The following CREBBP variants were observed in gnomAD, a reference collection of about 807,000 sequenced individuals.
The protein encoded by CREBBP is CREB-binding protein.
A neutral mutation model predicts 265.0 loss-of-function variants in CREBBP; 19 were observed. The ratio of observed to expected loss-of-function variants is 0.07; its 90% confidence interval spans 0.05 to 0.11. The LOEUF (loss-of-function observed/expected upper bound fraction) is 0.11, where lower values mean the gene tolerates loss of function less well. Among genes scored for constraint, CREBBP ranks in the 10% least tolerant of loss-of-function variants. CREBBP has a pLI of 1.00. For missense variants in CREBBP, 2,525 were observed against 3,219.0 expected (o/e 0.78, Z 5.22); for synonymous variants, 1,457 against 1,223.7 (o/e 1.19, Z -3.98).
At chr16:3,762,361 CT>C (rs35125490) in intron 16 of CREBBP, among the ~76,000 whole-genome samples, 12,097 of 118,442 alleles carry the variant, frequency 0.1, 342 homozygotes, top group East Asian at 0.16. Flanking sequence ...ATTTTCTTTC[CT>C]TTTTTTTTTT....
Position 3,836,400 on chromosome 16 carries a change from C to G in CREBBP, c.798+13897G>C, listed in dbSNP as rs1027987629. On this transcript the variant is annotated intron_variant, in intron 2 of 30. Coordinates refer to ENST00000262367, the MANE Select transcript of CREBBP (RefSeq NM_004380.3). Reference sequence around the variant, plus strand: ...AGTGAGCCGAGATTGCGCCAGTACACTCCAGCCTGGGTGACAGAGCGAGAC... The same window carrying G: ...AGTGAGCCGAGATTGCGCCAGTACAGTCCAGCCTGGGTGACAGAGCGAGAC... 2.0e-5 allele frequency among the ~76,000 whole-genome samples: 3 copies of G among 148,288 alleles called. No homozygotes were observed. The South Asian group carries it at 6.4e-4, about 31-fold the overall frequency.
intron 1 of CREBBP, among the ~76,000 whole-genome samples, chr16:3,863,982 A>G (rs895575155): frequency 6.6e-6 from 1 of 152,214 alleles, no homozygotes; most frequent in Admixed American, 6.5e-5. Flanking sequence ...GAGGTGCTAC[A>G]GTCAGCTGCC....
chr16:3,768,136 G>GTTTTTTTTTTTTTT lies in CREBBP; in HGVS notation c.3061-241_3061-228dup, dbSNP rs71133655. On this transcript the variant is annotated intron_variant, in intron 15 of 30. Transcript: ENST00000262367. ...CAATTATGGTCCTAAATTTAAAAGT[G>GTTTTTTTTTTTTTT]TTTTTTTTTTTTTTTTTTTTTTTTT... 1.6e-4 allele frequency among the ~76,000 whole-genome samples: 8 copies of GTTTTTTTTTTTTTT among 51,610 alleles called. 3 individuals are homozygous for GTTTTTTTTTTTTTT. The highest frequency in any genetic ancestry group is 7.4e-4 in the Admixed American group (2 of 2,716). 33.9% of individuals were successfully genotyped at this position (51,610 alleles called of 152,430 possible).
chr16:3,732,854 C>A (rs2051953628), intron 28 of CREBBP, among the ~76,000 whole-genome samples: 1 of 152,064 alleles, frequency 6.6e-6, no homozygotes, highest in African/African-American at 2.4e-5. Context: ...GTGCTGCCAC[C>A]ACACCCAGCT....
chr16:3,809,011 C>T (rs1253214436), intron 3 of CREBBP, among the ~76,000 whole-genome samples: 2 of 152,040 alleles, frequency 1.3e-5, no homozygotes, highest in Admixed American at 6.6e-5. Flanking sequence ...AGGTTCTGGA[C>T]CTGCACTATC....
At chr16:3,758,178 A>T in intron 17 of CREBBP, 130 bp from the exon 18 acceptor site, 1 of 951,612 alleles carries the variant, frequency 1.1e-6, no homozygotes, top group Non-Finnish European at 1.6e-6. Context: ...CAACAGTAAG[A>T]AATAGGAAAT....
intron 6 of CREBBP, among the ~76,000 whole-genome samples, chr16:3,781,749 G>A (rs181105450): frequency 2.0e-4 from 31 of 152,252 alleles, no homozygotes; most frequent in Non-Finnish European, 8.8e-5. Flanking sequence ...AGGTCAATTT[G>A]TCTACAATCT....
intron 3 of CREBBP, among the ~76,000 whole-genome samples, chr16:3,808,173 G>A (rs1207769460): frequency 1.4e-5 from 2 of 145,754 alleles, no homozygotes; most frequent in Non-Finnish European, 3.0e-5. Context: ...GGCAGCGGGG[G>A]AGAGAGAGAG....
At chr16:3,746,542 C>T (rs1225255462) in intron 21 of CREBBP, among the ~76,000 whole-genome samples, 1 of 152,268 alleles carries the variant, frequency 6.6e-6, no homozygotes, top group Admixed American at 6.5e-5. Context: ...ATCCCCAACG[C>T]TAAGAATTTC....
At chr16:3,839,976 G>C (rs1359405487) in intron 2 of CREBBP, among the ~76,000 whole-genome samples, 1 of 152,100 alleles carries the variant, frequency 6.6e-6, no homozygotes, top group African/African-American at 2.4e-5. Flanking sequence ...TCTCTCATTA[G>C]AGTCATAATA....
intron 28 of CREBBP, among the ~76,000 whole-genome samples, chr16:3,735,307 T>C (rs1218004588): frequency 2.0e-5 from 3 of 152,140 alleles, no homozygotes; most frequent in Non-Finnish European, 4.4e-5. Context: ...TGGGGTTTTG[T>C]TTGTTCTGAA....
chr16:3,780,963 G>T, intron 7 of CREBBP, 85 bp from the exon 8 acceptor site: 1 of 1,512,918 alleles, frequency 6.6e-7, no homozygotes, highest in Non-Finnish European at 9.1e-7. Flanking sequence ...GCCACCACAT[G>T]TGACTTTTAA....
rs1017285045 is a variant in CREBBP, at chr16:3,736,150, G to C, written c.4614C>G (p.Pro1538=). 1.2e-6 allele frequency: 2 copies of C among 1,614,070 alleles called. No homozygotes were observed. Among genetic ancestry groups the C allele is most frequent in the Admixed American group, 1.7e-5 (1 of 60,010 alleles). The change falls in exon 28 of 31, where the codon CCC becomes CCG. Residue 1538 remains proline, a synonymous_variant. Coordinates refer to ENST00000262367, the MANE Select transcript of CREBBP (RefSeq NM_004380.3). ...TGGGCCAGAAATCACCTTCAAAATA[G>C]GGCAGTTCCTTGGCACTGGTGAGCC... ...EDRLTSAKEL[P]YFEGDFWPNV...
rs865787726 is a variant in CREBBP, at chr16:3,731,701, C to T, written c.4890+75G>A. On this transcript the variant is annotated intron_variant, in intron 29 of 30. Coordinates refer to ENST00000262367, the MANE Select transcript of CREBBP (RefSeq NM_004380.3). This position sits in a 1 kb window ranked among gnomAD's most constrained non-coding sequence, Gnocchi z 7.7. ...CTCCCACCACAGACCTGCACACGGGCCCACGCCCGCCAGCTGCGAGTCTTT... is the reference window on the plus strand; with the variant it reads ...CTCCCACCACAGACCTGCACACGGGTCCACGCCCGCCAGCTGCGAGTCTTT... 1.9e-6 allele frequency: 3 copies of T among 1,599,754 alleles called. No individual in the cohort carries two copies. In the Middle Eastern group the frequency reaches 6.0e-4, roughly 318 times the overall value.
rs1043526863 is a variant in CREBBP at position 3,774,044 on chromosome 16, G to C, written c.2284-114C>G. On this transcript the variant is annotated intron_variant, in intron 12 of 30. Coordinates refer to ENST00000262367, the MANE Select transcript of CREBBP (RefSeq NM_004380.3). ...AACCCCAGAGGATGGCAAGCACAGG[G>C]CTCACATCCTGCCCTTCCTCATGGG... is the stretch of plus-strand genomic sequence containing the variant. The C allele has an allele frequency of 3.5e-6, 4 of 1,150,658 alleles. No individual in the cohort carries two copies. The African/African-American group carries it at 6.0e-5, about 17-fold the overall frequency. The allele number at this position is 1,150,658 out of a possible 1,614,324, so 71.3% of individuals were successfully genotyped here.
chr16:3,819,383 G>A (rs2054100099), intron 2 of CREBBP, among the ~76,000 whole-genome samples: 1 of 151,938 alleles, frequency 6.6e-6, no homozygotes, highest in African/African-American at 2.4e-5. Flanking sequence ...AGCTGCGACA[G>A]TGAGTACTAG....
chr16:3,783,842 A>G (rs1185696041), intron 5 of CREBBP, among the ~76,000 whole-genome samples: 1 of 152,226 alleles, frequency 6.6e-6, no homozygotes, highest in East Asian at 1.9e-4. Flanking sequence ...TCCATCCCAA[A>G]GGGCTTCCAA....
At chr16:3,736,995 C>T in intron 26 of CREBBP, 180 bp from the exon 27 acceptor site, 1 of 718,680 alleles carries the variant, frequency 1.4e-6, no homozygotes, top group South Asian at 1.7e-5. Flanking sequence ...TGAGCAAATG[C>T]AAGCCTGCAA....
chr16:3,780,435 A>T (rs1189788340), intron 8 of CREBBP, among the ~76,000 whole-genome samples: 2 of 152,156 alleles, frequency 1.3e-5, no homozygotes, highest in African/African-American at 4.8e-5. Flanking sequence ...TAAAGTGCAG[A>T]AGCACATTAA....
Sources: allele counts gnomAD v4.1 joint callset (sites outside exome capture counted in the v4.1 genomes callset), GRCh38; gene constraint gnomAD v4.1.1; non-coding constraint Gnocchi (gnomAD v3.1); transcripts MANE v1.5; gene names NCBI Gene and HGNC (gene_info 2026-07-23, HGNC 2026-07-21).